The following LPCAT3 variants were observed in gnomAD, a reference collection of about 807,000 sequenced individuals.
LPCAT3 encodes the protein lysophosphatidylcholine acyltransferase 3, also known as lysophospholipid acyltransferase 5.
In LPCAT3, 21 loss-of-function variants were observed where a neutral mutation model predicts 63.4. The ratio of observed to expected loss-of-function variants is 0.33; its 90% CI spans 0.23 to 0.48. The LOEUF (loss-of-function observed/expected upper bound fraction) is 0.48. LPCAT3 is among the 20% of genes least tolerant of loss of function. The pLI, the probability that LPCAT3 is intolerant of heterozygous loss-of-function variation, is 0.99. For synonymous variants in LPCAT3, 242 were observed against 227.5 expected (o/e 1.06, Z -0.58); for missense variants, 451 against 590.6 (o/e 0.76, Z 2.45).
chr12:7,003,876 T>C (rs1311461426), intron 1 of LPCAT3, among the ~76,000 whole-genome samples: 3 of 145,194 alleles, frequency 2.1e-5, no homozygotes, highest in Non-Finnish European at 4.5e-5. Flanking sequence ...GAGCCGAGAT[T>C]GCACCACTGC....
In LPCAT3 at chr12:7,007,940, C is replaced by T. The variant is rs782790092; in HGVS notation, c.151+10334G>A. On this transcript the variant is annotated intron_variant, in intron 1 of 12. Coordinates refer to ENST00000261407, the MANE Select transcript of LPCAT3 (RefSeq NM_005768.6). ...CCTACTCTCTGACAAACTGTCCCTA[C>T]AATTATAATGCAATGACATTTCTAT... Among the ~76,000 whole-genome samples the T allele has an allele frequency of 3.2e-4, 49 of 152,316 alleles. No individual in the cohort carries two copies. In the South Asian group the frequency reaches 8.5e-3, roughly 26 times the overall value.
At chr12:6,984,688 G>A (rs1372067935) in intron 1 of LPCAT3, among the ~76,000 whole-genome samples, 2 of 152,192 alleles carry the variant, frequency 1.3e-5, no homozygotes, top group Admixed American at 6.5e-5. Context: ...CTGGGCTCAA[G>A]TGATCCTCCA....
intron 1 of LPCAT3, among the ~76,000 whole-genome samples, chr12:7,010,516 G>A (rs1443601816): frequency 1.3e-5 from 2 of 152,098 alleles, no homozygotes; most frequent in Admixed American, 1.3e-4. Flanking sequence ...TGGGGCTCTG[G>A]TGCATCCTCT....
chr12:6,983,349 A>G, intron 2 of LPCAT3, 83 bp downstream of exon 2: 2 of 883,244 alleles, frequency 2.3e-6, no homozygotes, highest in Non-Finnish European at 3.7e-6. Flanking sequence ...TACCTATTAG[A>G]TTCTCTCAAG....
chr12:7,001,757 G>A (rs1946689081), intron 1 of LPCAT3, among the ~76,000 whole-genome samples: 1 of 152,156 alleles, frequency 6.6e-6, no homozygotes, highest in African/African-American at 2.4e-5. Context: ...TGGTTAGGGA[G>A]AATCAAGCAG....
chr12:6,990,567 T>TAAATA (rs1565601311), intron 1 of LPCAT3, among the ~76,000 whole-genome samples: 1 of 120,678 alleles, frequency 8.3e-6, no homozygotes. Context: ...ATAAATAAAT[T>TAAATA]GAGCACCCCA....
chr12:6,999,916 CTTTTTTTTTTTTT>C (rs782553121), intron 1 of LPCAT3, among the ~76,000 whole-genome samples: 2 of 114,534 alleles, frequency 1.7e-5, no homozygotes, highest in African/African-American at 6.6e-5. Context: ...TACTTACATT[CTTTTTTTTTTTTT>C]TTTTTTTTGA....
chr12:6,989,199 C>T (rs1398044046), intron 1 of LPCAT3, among the ~76,000 whole-genome samples: 1 of 151,706 alleles, frequency 6.6e-6, no homozygotes, highest in African/African-American at 2.4e-5. Flanking sequence ...GCAGGGACTT[C>T]AGAAATTTAT....
intron 1 of LPCAT3, chr12:6,997,425 G>GTGTGTGTGTT (rs1565603357): frequency 1.4e-5 from 2 of 143,474 alleles, no homozygotes. Context: ...GTGTGTGTGT[G>GTGTGTGTGTT]TGTTTCAAGA....
At chr12:7,000,670 T>C (rs1348849159) in intron 1 of LPCAT3, among the ~76,000 whole-genome samples, 2 of 151,538 alleles carry the variant, frequency 1.3e-5, no homozygotes, top group African/African-American at 2.4e-5. Flanking sequence ...TACTTATGCA[T>C]GTCTAAATAT....
intron 1 of LPCAT3, among the ~76,000 whole-genome samples, chr12:6,989,320 T>TG (rs2138340897): frequency 6.6e-6 from 1 of 150,430 alleles, no homozygotes; most frequent in East Asian, 1.9e-4. Flanking sequence ...CGTGTTTTTT[T>TG]TTTTTTTTTT....
At chr12:6,980,194 T>G (rs1946455938) in intron 6 of LPCAT3, among the ~76,000 whole-genome samples, 7 of 152,008 alleles carry the variant, frequency 4.6e-5, no homozygotes, top group African/African-American at 1.7e-4. Flanking sequence ...ACTATAGGCA[T>G]GTACCACCTT....
At chr12:6,981,227 C>A in intron 5 of LPCAT3, 45 bp from the exon 6 acceptor site, 1 of 1,506,256 alleles carries the variant, frequency 6.6e-7, no homozygotes, top group Non-Finnish European at 9.0e-7. Context: ...CCTTGAATCT[C>A]CCCACAAGAG....
In LPCAT3 at chr12:6,990,969, GATTA is replaced by G. The variant is rs374824154; in HGVS notation, c.152-7434_152-7431del. Among the ~76,000 whole-genome samples the G allele has an allele frequency of 7.9e-3, 1,168 of 147,736 alleles. 13 individuals carry two copies. The highest frequency in any genetic ancestry group is 0.028 in the African/African-American group (1,122 of 40,310). On this transcript the variant is annotated intron_variant, in intron 1 of 12. Transcript: ENST00000261407. The stretch of plus-strand genomic sequence containing the variant: ...AAACTAAAAAAAAAGTAAAAGATAT[GATTA>G]ATTCAGTAAAAATATTAACAGTAAA...
intron 1 of LPCAT3, among the ~76,000 whole-genome samples, chr12:6,985,187 C>T (rs879959673): frequency 4.7e-5 from 7 of 149,174 alleles, no homozygotes; most frequent in Non-Finnish European, 1.0e-4. Flanking sequence ...GACAGGAGAT[C>T]GAGACTATCC....
At chr12:6,991,601 T>G (rs1946590991) in intron 1 of LPCAT3, among the ~76,000 whole-genome samples, 1 of 152,202 alleles carries the variant, frequency 6.6e-6, no homozygotes, top group South Asian at 2.1e-4. Context: ...AAAATTCTAA[T>G]TTTTACTTGA....
intron 1 of LPCAT3, among the ~76,000 whole-genome samples, chr12:7,006,359 C>T (rs782190143): frequency 3.9e-5 from 6 of 152,202 alleles, no homozygotes; most frequent in Non-Finnish European, 5.9e-5. Flanking sequence ...GCTGGGATTA[C>T]AGGTGTGTGC....
At chr12:6,977,000 GC>G in intron 12 of LPCAT3, 109 bp from the exon 13 acceptor site, 2 of 657,556 alleles carry the variant, frequency 3.0e-6, no homozygotes, top group Non-Finnish European at 5.5e-6. Context: ...AGTAGTCATT[GC>G]CCATACTGTG....
rs782597502 is a variant in LPCAT3, at chr12:6,981,577, C to T, written c.498+18G>A. On this transcript the variant is annotated intron_variant, in intron 5 of 12. Transcript: ENST00000261407. Reference sequence around the variant, plus strand: ...TTCATTAAGTCTTGAACCTCTCTGCCGATGAATGGGTACTTACCTGATCTT... The same window carrying T: ...TTCATTAAGTCTTGAACCTCTCTGCTGATGAATGGGTACTTACCTGATCTT... 16 of 1,613,312 alleles carry T rather than the reference C, an allele frequency of 9.9e-6. No individual in the cohort carries two copies. The highest frequency in any genetic ancestry group is 6.7e-5 in the East Asian group (3 of 44,858).
Sources: gnomAD v4.1 joint callset for allele counts (sites outside exome capture counted in the v4.1 genomes callset) on GRCh38, gnomAD v4.1.1 for gene constraint, MANE v1.5 for transcripts, NCBI Gene and HGNC (gene_info 2026-07-23, HGNC 2026-07-21) for gene names.